USH2A: variants seen among roughly 807,000 people sequenced by gnomAD.
USH2A encodes the protein usherin.
Under a neutral mutation model 538.9 loss-of-function variants are expected in USH2A, and 443 were observed. That is an observed-to-expected ratio of 0.82 (90% CI 0.76 to 0.89). USH2A has a LOEUF of 0.89. Ranked by LOEUF, USH2A falls within the 40% of genes least tolerant of loss-of-function variation. The pLI, the probability that USH2A is intolerant of heterozygous loss-of-function variation, is 0.00. For missense variants in USH2A, 6,633 were observed against 6,324.8 expected, an observed-to-expected ratio of 1.05 and a Z score of -1.65; for synonymous variants, 2,413 against 2,273.5, an observed-to-expected ratio of 1.06 and a Z score of -1.75.
At chr1:215,813,606 C>A in intron 49 of USH2A, 130 bp downstream of exon 49, 2 of 1,030,688 alleles carry the variant, frequency 1.9e-6, no homozygotes, top group Non-Finnish European at 3.0e-6. Context: ...TTAGAGCAGG[C>A]CATTGGCTAT....
rs868656406 is a variant in USH2A at position 215,750,525 on chromosome 1, A to G, written c.11390-7190T>C. 2.6e-5 allele frequency among the ~76,000 whole-genome samples: 4 copies of G among 152,308 alleles called. No homozygotes were observed. In the South Asian group the frequency reaches 6.2e-4, roughly 24 times the overall value. ...CATGAAGTTTTGAGCCACAAATAAA[A>G]TTATTCTATTGGGTTACTGGGTCGA... is the stretch of plus-strand genomic sequence containing the variant. On this transcript the variant is annotated intron_variant, in intron 58 of 71. Coordinates refer to ENST00000307340, the MANE Select transcript of USH2A (RefSeq NM_206933.4).
At chr1:215,882,329 GAAT>G (rs2102454687) in intron 41 of USH2A, among the ~76,000 whole-genome samples, 1 of 152,266 alleles carries the variant, frequency 6.6e-6, no homozygotes, top group South Asian at 2.1e-4. Flanking sequence ...GATCATGTGG[GAAT>G]ATTTGACTCC....
At chr1:216,278,306 C>T (rs962515522) in intron 11 of USH2A, among the ~76,000 whole-genome samples, 1 of 152,118 alleles carries the variant, frequency 6.6e-6, no homozygotes, top group South Asian at 2.1e-4. Flanking sequence ...TCAGTTACAA[C>T]TCCATCTATT....
intron 21 of USH2A, among the ~76,000 whole-genome samples, chr1:216,126,090 A>T (rs996267003): frequency 6.6e-6 from 1 of 152,212 alleles, no homozygotes; most frequent in Non-Finnish European, 1.5e-5. Flanking sequence ...TCTAAGTCTT[A>T]AAAGGGTTCC....
chr1:216,327,761 T>C (rs1205290673), intron 4 of USH2A, 107 bp from the exon 5 acceptor site: 3 of 1,336,982 alleles, frequency 2.2e-6, no homozygotes, highest in South Asian at 1.2e-5. Flanking sequence ...TAAAAAGATA[T>C]TTATGTCACT....
At chr1:215,811,864 G>A (rs924976532) in intron 49 of USH2A, among the ~76,000 whole-genome samples, 5 of 150,574 alleles carry the variant, frequency 3.3e-5, no homozygotes, top group Admixed American at 6.7e-5. Flanking sequence ...CGGAGATCAC[G>A]CCATTGCACT....
intron 47 of USH2A, among the ~76,000 whole-genome samples, chr1:215,836,529 TA>T (rs1264490284): frequency 7.6e-5 from 2 of 26,304 alleles, no homozygotes; most frequent in African/African-American, 3.0e-4. Context: ...ATATATATTA[TA>T]TATATATATA....
chr1:216,148,283 C>T (rs1272126148), intron 21 of USH2A, among the ~76,000 whole-genome samples: 1 of 151,616 alleles, frequency 6.6e-6, no homozygotes, highest in Non-Finnish European at 1.5e-5. Flanking sequence ...TTTAGTTATC[C>T]CCACCTGCCC....
chr1:215,802,025 C>CTT lies in USH2A; in HGVS notation c.9740-2902_9740-2901dup, dbSNP rs34990803. On this transcript the variant is annotated intron_variant, in intron 49 of 71. Coordinates refer to ENST00000307340, the MANE Select transcript of USH2A (RefSeq NM_206933.4). ...CAAGACCATTTAATGAGGAAAGGAC[C>CTT]TTTTTTTTTTTTTAAAGAATGTTGG... Among the ~76,000 whole-genome samples the CTT allele has an allele frequency of 5.4e-5, 8 of 147,622 alleles. No individual in the cohort carries two copies. In the East Asian group the frequency reaches 7.9e-4, roughly 15 times the overall value.
chr1:216,402,512 A>T (rs1325115863), intron 3 of USH2A, among the ~76,000 whole-genome samples: 1 of 152,054 alleles, frequency 6.6e-6, no homozygotes, highest in African/African-American at 2.4e-5. Flanking sequence ...CCTCCTCCTC[A>T]GCCTACTCAA....
At chr1:215,807,882 A>AT (rs954182202) in intron 49 of USH2A, among the ~76,000 whole-genome samples, 7 of 151,902 alleles carry the variant, frequency 4.6e-5, no homozygotes, top group African/African-American at 7.2e-5. Context: ...ATTACTAAAC[A>AT]TTTTTTTTCT....
At chr1:216,146,399 T>G (rs2102615536) in intron 21 of USH2A, among the ~76,000 whole-genome samples, 1 of 152,298 alleles carries the variant, frequency 6.6e-6, no homozygotes, top group East Asian at 1.9e-4. Context: ...AAGGCAGCCT[T>G]CCCTTGGTGT....
chr1:216,023,374 G>T (rs1668883092), intron 32 of USH2A, among the ~76,000 whole-genome samples: 1 of 142,650 alleles, frequency 7.0e-6, no homozygotes, highest in African/African-American at 2.7e-5. Context: ...AAAAGAGACA[G>T]GAGATTTGGG....
At chr1:215,668,857 C>T (rs1281439407) in intron 64 of USH2A, among the ~76,000 whole-genome samples, 1 of 152,144 alleles carries the variant, frequency 6.6e-6, no homozygotes, top group Non-Finnish European at 1.5e-5. Context: ...ATGGCAAAAC[C>T]CTGTCTCTAC....
chr1:216,374,915 T>A (rs944644374), intron 3 of USH2A, among the ~76,000 whole-genome samples: 1 of 152,142 alleles, frequency 6.6e-6, no homozygotes, highest in Non-Finnish European at 1.5e-5. Context: ...CTCTAAGAGA[T>A]GAGTGGTCTT....
In USH2A at chr1:215,882,839, C is replaced by T. The variant is rs560740454; in HGVS notation, c.8224-3741G>A. Among the ~76,000 whole-genome samples, 28 of 152,204 alleles carry T rather than the reference C, an allele frequency of 1.8e-4. No individual in the cohort carries two copies. In the South Asian group the frequency reaches 5.8e-3, roughly 32 times the overall value. ...GTTGAAAACAAATTATTTGTTAATCCTACTGACATTATTTTATGCTAAAAA... is the reference window on the plus strand; with the variant it reads ...GTTGAAAACAAATTATTTGTTAATCTTACTGACATTATTTTATGCTAAAAA... On this transcript the variant is annotated intron_variant, in intron 41 of 71. Transcript: ENST00000307340.
At position 215,665,612 on chromosome 1, in the gene USH2A, T is replaced by G. The variant is rs202125582; in HGVS notation, c.14133+5360A>C. Among the ~76,000 whole-genome samples the G allele has an allele frequency of 2.4e-4, 36 of 152,170 alleles. No individual in the cohort carries two copies. The East Asian group carries it at 4.1e-3, about 17-fold the overall frequency. ...TAAAAACCAAAATGTCTTAACAGAG[T>G]AGACTCACACCCAGGTCCCTCTCAA... is the stretch of plus-strand genomic sequence containing the variant. On this transcript the variant is annotated intron_variant, in intron 64 of 71. Transcript: ENST00000307340.
At chr1:215,970,921 T>A in intron 35 of USH2A, 145 bp from the exon 36 acceptor site, 1 of 837,774 alleles carries the variant, frequency 1.2e-6, no homozygotes, top group East Asian at 2.5e-5. Flanking sequence ...CTAAACTCTG[T>A]CTCTTACCAA....
chr1:215,694,720 C>A (rs1375674547), intron 61 of USH2A, among the ~76,000 whole-genome samples: 1 of 152,190 alleles, frequency 6.6e-6, no homozygotes, highest in African/African-American at 2.4e-5. Flanking sequence ...TGTCTCTTCA[C>A]TTGTTTGTCC....
Sources: gnomAD v4.1 joint callset for allele counts (sites outside exome capture counted in the v4.1 genomes callset) on GRCh38, gnomAD v4.1.1 for gene constraint, MANE v1.5 for transcripts, NCBI Gene and HGNC (gene_info 2026-07-23, HGNC 2026-07-21) for gene names.